The following KIZ variants were observed in gnomAD, a reference collection of about 807,000 sequenced individuals.
The protein encoded by KIZ is kizuna centrosomal protein, also known as centrosomal protein kizuna.
KIZ carries 68 observed loss-of-function variants against 79.6 expected under a neutral mutation model. The observed-to-expected ratio is 0.85, with a 90% CI of 0.70 to 1.05. The LOEUF (loss-of-function observed/expected upper bound fraction) is 1.05. Among genes scored for constraint, KIZ ranks in the 50% least tolerant of loss-of-function variants. The pLI, the probability that KIZ is intolerant of heterozygous loss-of-function variation, is 0.00. For missense variants in KIZ, 797 were observed against 800.4 expected (o/e 1.00, Z 0.05); for synonymous variants, 280 against 281.8 (o/e 0.99, Z 0.06).
intron 6 of KIZ, among the ~76,000 whole-genome samples, chr20:21,163,684 C>CT (rs1188808188): frequency 1.3e-5 from 2 of 152,162 alleles, no homozygotes; most frequent in South Asian, 4.1e-4. Flanking sequence ...GCCAGATTTC[C>CT]TTTTTTGAAT....
intron 11 of KIZ, among the ~76,000 whole-genome samples, chr20:21,237,987 G>A (rs919372826): frequency 6.6e-6 from 1 of 152,136 alleles, no homozygotes; most frequent in African/African-American, 2.4e-5. Flanking sequence ...ATGCCACCAT[G>A]CCTGGCTAAT....
intron 6 of KIZ, among the ~76,000 whole-genome samples, chr20:21,178,277 A>C (rs1347523475): frequency 6.6e-6 from 1 of 151,996 alleles, no homozygotes; most frequent in Non-Finnish European, 1.5e-5. Context: ...AGTTTTTAGC[A>C]TGGAAGTCTT....
At chr20:21,155,293 A>G (rs948086325) in intron 4 of KIZ, among the ~76,000 whole-genome samples, 3 of 152,204 alleles carry the variant, frequency 2.0e-5, no homozygotes, top group Admixed American at 1.3e-4. Context: ...ATGAATGGAT[A>G]AACAAACTAC....
At chr20:21,141,850 G>C (rs1272780844) in intron 3 of KIZ, among the ~76,000 whole-genome samples, 1 of 138,862 alleles carries the variant, frequency 7.2e-6, no homozygotes. Flanking sequence ...CTCTCTCTCT[G>C]TGTTTGTCTC....
intron 10 of KIZ, among the ~76,000 whole-genome samples, chr20:21,230,590 G>A (rs1263386427): frequency 6.6e-6 from 1 of 152,212 alleles, no homozygotes; most frequent in Non-Finnish European, 1.5e-5. Context: ...AAAGTCAGTT[G>A]CGGCAAAATT....
Position 21,205,524 on chromosome 20 carries a change from G to T in KIZ, c.1386G>T (p.Arg462Ser). Reference protein sequence around the residue: ...PGQTPDSDVPRAQVGQHVATL... With the variant: ...PGQTPDSDVPSAQVGQHVATL... ...AAACACCAGACTCAGACGTACCGAG[G>T]GCACAGGTGGGTCAGCATGTTGCCA... Residue 462 changes from arginine to serine, a missense_variant, in exon 7 of 13, where the codon AGG becomes AGT. Transcript: ENST00000619189. 6.4e-7 allele frequency: 1 copy of T among 1,564,812 alleles called. No homozygotes were observed. Among genetic ancestry groups the T allele is most frequent in the African/African-American group, 1.4e-5 (1 of 73,792 alleles).
At chr20:21,131,833 G>A (rs984181943) in intron 1 of KIZ, 1 of 283,308 alleles carries the variant, frequency 3.5e-6, no homozygotes, top group Admixed American at 5.6e-5. Flanking sequence ...TTATTCTTTT[G>A]TCTCCTATTG....
chr20:21,193,920 G>T (rs910553851), intron 6 of KIZ: 17 of 151,542 alleles, frequency 1.1e-4, no homozygotes, highest in African/African-American at 3.9e-4. Flanking sequence ...ACGAGTTAAT[G>T]GGTGCAGCAC....
At position 21,215,646 on chromosome 20, in the gene KIZ, C is replaced by G; in HGVS notation, c.1676C>G (p.Thr559Arg). 1 of 1,594,916 alleles carries G rather than the reference C, an allele frequency of 6.3e-7. No individual in the cohort carries two copies. The highest frequency in any genetic ancestry group is 8.6e-7 in the Non-Finnish European group (1 of 1,164,894). Residue 559 changes from threonine to arginine, a missense_variant and splice_region_variant, in exon 9 of 13, where the codon ACA becomes AGA. By Grantham distance (71) the Thr-to-Arg change is moderately conservative (BLOSUM62 -1). Transcript: ENST00000619189. Reference protein sequence around the residue: ...KENVAADIPITETEAYQLLKK... With the variant: ...KENVAADIPIRETEAYQLLKK... ...AATGTGGCTGCAGATATCCCAATCA[C>G]AGGTAAAGCTATGGTTGCCTAAGAG...
At chr20:21,218,109 T>G (rs1351406440) in intron 9 of KIZ, 1 of 152,174 alleles carries the variant, frequency 6.6e-6, no homozygotes, top group Non-Finnish European at 1.5e-5. Flanking sequence ...AAATTGCCAC[T>G]TGAGAACACA....
intron 4 of KIZ, among the ~76,000 whole-genome samples, chr20:21,157,442 A>T (rs1013814347): frequency 3.3e-5 from 5 of 152,154 alleles, no homozygotes; most frequent in African/African-American, 1.2e-4. Flanking sequence ...ACAGTTAATA[A>T]CTACTTGCTG....
intron 10 of KIZ, among the ~76,000 whole-genome samples, chr20:21,232,530 C>T (rs377380072): frequency 1.1e-3 from 171 of 152,274 alleles, no homozygotes; most frequent in African/African-American, 4.0e-3. Flanking sequence ...GTTTCGGTAT[C>T]ACAGGAAAGT....
chr20:21,183,303 T>A (rs2034735232), intron 6 of KIZ, among the ~76,000 whole-genome samples: 2 of 152,236 alleles, frequency 1.3e-5, no homozygotes, highest in Non-Finnish European at 2.9e-5. Flanking sequence ...AAAATTCGAT[T>A]GTGTGATGGT....
chr20:21,173,066 A>G (rs897607310), intron 6 of KIZ, among the ~76,000 whole-genome samples: 1 of 152,210 alleles, frequency 6.6e-6, no homozygotes, highest in African/African-American at 2.4e-5. Flanking sequence ...GTGAAGGGTC[A>G]GTAGGCTGAA....
intron 3 of KIZ, among the ~76,000 whole-genome samples, chr20:21,142,353 A>G (rs1023914673): frequency 6.6e-6 from 1 of 152,094 alleles, no homozygotes; most frequent in Admixed American, 6.5e-5. Context: ...CAATGCTCTC[A>G]GTATCTGACC....
At chr20:21,153,628 C>T (rs1302787149) in intron 4 of KIZ, among the ~76,000 whole-genome samples, 1 of 152,122 alleles carries the variant, frequency 6.6e-6, no homozygotes, top group Non-Finnish European at 1.5e-5. Context: ...CAAAATACCA[C>T]AAACTGGGTG....
chr20:21,184,909 G>A (rs1438961406), intron 6 of KIZ, among the ~76,000 whole-genome samples: 1 of 152,184 alleles, frequency 6.6e-6, no homozygotes, highest in African/African-American at 2.4e-5. Flanking sequence ...CAGGCATGAT[G>A]GTACACACCT....
chr20:21,141,827 T>A (rs112491791), intron 3 of KIZ, among the ~76,000 whole-genome samples: 3,497 of 123,644 alleles, frequency 0.028, 109 homozygotes, highest in African/African-American at 0.14. Flanking sequence ...ACACACACTC[T>A]CTCTCTCTCT....
chr20:21,216,787 T>A (rs191766000), intron 9 of KIZ, among the ~76,000 whole-genome samples: 2 of 152,326 alleles, frequency 1.3e-5, no homozygotes, highest in East Asian at 3.9e-4. Context: ...TGAATTTATT[T>A]CAATTAAAAT....
Sources: gnomAD v4.1 joint callset for allele counts (sites outside exome capture counted in the v4.1 genomes callset) on GRCh38, gnomAD v4.1.1 for gene constraint, MANE v1.5 for transcripts, NCBI Gene and HGNC (gene_info 2026-07-23, HGNC 2026-07-21) for gene names.